The following CA1 variants were observed in gnomAD, a reference collection of about 807,000 sequenced individuals.
CA1 encodes the protein carbonic anhydrase 1.
In CA1, 27 loss-of-function variants were observed where a neutral mutation model predicts 28.8. The ratio of observed to expected loss-of-function variants is 0.94; its 90% CI spans 0.69 to 1.29. The LOEUF is 1.29. Ranked by LOEUF, CA1 falls within the 50% of genes most tolerant of loss-of-function variation. The probability of loss-of-function intolerance (pLI) is 0.00; values close to 1 mark genes in which losing one functional copy is unlikely to be tolerated. For missense variants in CA1, 335 were observed against 310.5 expected, an observed-to-expected ratio of 1.08 and a Z score of -0.59; for synonymous variants, 121 against 108.8, an observed-to-expected ratio of 1.11 and a Z score of -0.70.
chr8:85,336,232 T>C (rs1343594652), intron 4 of CA1, among the ~76,000 whole-genome samples: 1 of 152,178 alleles, frequency 6.6e-6, no homozygotes, highest in Non-Finnish European at 1.5e-5. Context: ...ATATATATTA[T>C]AGAATTCATT....
At chr8:85,344,207 T>A (rs1176017738) in intron 1 of CA1, among the ~76,000 whole-genome samples, 1 of 107,304 alleles carries the variant, frequency 9.3e-6, no homozygotes, top group Non-Finnish European at 1.7e-5. Flanking sequence ...ATACAGTATA[T>A]AATATAATTA....
chr8:85,344,234 TAA>T (rs1491518788), intron 1 of CA1, among the ~76,000 whole-genome samples: 13 of 104,164 alleles, frequency 1.2e-4, no homozygotes, highest in African/African-American at 4.3e-4. Context: ...ATACAGTATA[TAA>T]TATATAATTA....
chr8:85,358,639 G>T (rs970801391), intron 1 of CA1, among the ~76,000 whole-genome samples: 2 of 152,156 alleles, frequency 1.3e-5, no homozygotes, highest in African/African-American at 4.8e-5. Context: ...CCTGCCTTCT[G>T]GTATCCATAC....
chr8:85,362,562 T>A (rs1204329330), intron 1 of CA1, among the ~76,000 whole-genome samples: 2 of 152,018 alleles, frequency 1.3e-5, no homozygotes. Context: ...TTTGAGGGGA[T>A]GGGATTCAAG....
intron 1 of CA1, among the ~76,000 whole-genome samples, chr8:85,359,134 A>T (rs1809704248): frequency 6.6e-6 from 1 of 152,214 alleles, no homozygotes. Flanking sequence ...ATGGAAATTA[A>T]CAGGTTTGAA....
At chr8:85,333,388 T>C (rs1808492986) in intron 5 of CA1, 137 bp downstream of exon 5, 1 of 624,254 alleles carries the variant, frequency 1.6e-6, no homozygotes, top group Admixed American at 2.3e-5. Context: ...GGGAACTATT[T>C]GTTCACCTGT....
chr8:85,345,466 C>G (rs966145061), intron 1 of CA1, among the ~76,000 whole-genome samples: 1 of 152,170 alleles, frequency 6.6e-6, no homozygotes, highest in Non-Finnish European at 1.5e-5. Context: ...ATAACCATCT[C>G]TAAAATGGCA....
Position 85,332,459 on chromosome 8 carries a change from C to G in CA1, c.513+31G>C, listed in dbSNP as rs369430590. 11 of 1,516,622 alleles carry G rather than the reference C, an allele frequency of 7.3e-6. No individual in the cohort carries two copies. In the African/African-American group the frequency reaches 1.4e-4, roughly 19 times the overall value. The allele number at this position is 1,516,622 out of a possible 1,614,324, so 93.9% of individuals were successfully genotyped here. A position where few individuals can be genotyped will look rare whatever the true frequency, so the allele number is the denominator to read the frequency against. ...CCATAGATCTGTAAATTCTTGTTCT[C>G]TGATTTAAACTACTTATTTAGTGTG... On this transcript the variant is annotated intron_variant, in intron 6 of 7. Coordinates refer to ENST00000523022, the MANE Select transcript of CA1 (RefSeq NM_001128831.4).
intron 1 of CA1, among the ~76,000 whole-genome samples, chr8:85,342,096 C>T (rs975359990): frequency 6.6e-6 from 1 of 152,004 alleles, no homozygotes; most frequent in African/African-American, 2.4e-5. Context: ...TGTTTACAGG[C>T]TGATCTGAAC....
intron 1 of CA1, among the ~76,000 whole-genome samples, chr8:85,361,269 A>G (rs1468186037): frequency 1.3e-5 from 2 of 152,084 alleles, no homozygotes. Context: ...GGGATTTAGG[A>G]CTCCTCCAAA....
At chr8:85,351,637 A>G (rs1809415641) in intron 1 of CA1, 1 of 152,134 alleles carries the variant, frequency 6.6e-6, no homozygotes, top group South Asian at 2.1e-4. Flanking sequence ...CCATTTTTCC[A>G]TTTGGATGTA....
At chr8:85,352,856 G>A (rs1195022745) in intron 1 of CA1, among the ~76,000 whole-genome samples, 2 of 151,942 alleles carry the variant, frequency 1.3e-5, no homozygotes, top group Non-Finnish European at 2.9e-5. Context: ...AATAGAGATG[G>A]GGTTTTGCCA....
intron 1 of CA1, among the ~76,000 whole-genome samples, chr8:85,360,371 CT>C (rs1287245364): frequency 6.6e-6 from 1 of 152,184 alleles, no homozygotes; most frequent in African/African-American, 2.4e-5. Context: ...GGCCTGGGCA[CT>C]CAACAGTAAA....
At position 85,365,123 on chromosome 8, in the gene CA1, A is replaced by G. The variant is rs147047732; in HGVS notation, c.-25+12923T>C. On this transcript the variant is annotated intron_variant, in intron 1 of 7. Coordinates refer to ENST00000523022, the MANE Select transcript of CA1 (RefSeq NM_001128831.4). Reference sequence around the variant, plus strand: ...GCTGTATGAAGCAGAGCAATTAGTTATGGCATCACCGGTATATAAAAGGGT... The same window carrying G: ...GCTGTATGAAGCAGAGCAATTAGTTGTGGCATCACCGGTATATAAAAGGGT... 3.3e-5 allele frequency among the ~76,000 whole-genome samples: 5 copies of G among 152,352 alleles called. No individual in the cohort carries two copies. In the East Asian group the frequency reaches 9.6e-4, roughly 29 times the overall value.
At chr8:85,333,376 T>A in intron 5 of CA1, 149 bp downstream of exon 5, 1 of 601,674 alleles carries the variant, frequency 1.7e-6, no homozygotes, top group Non-Finnish European at 3.0e-6. Context: ...AATAAAATAC[T>A]AGGGAACTAT....
At chr8:85,343,949 G>C (rs1391240096) in intron 1 of CA1, among the ~76,000 whole-genome samples, 1 of 151,008 alleles carries the variant, frequency 6.6e-6, no homozygotes, top group Non-Finnish European at 1.5e-5. Context: ...AATTCAAGAT[G>C]TTTAGTTTTG....
intron 4 of CA1, among the ~76,000 whole-genome samples, chr8:85,335,683 A>T (rs1427748642): frequency 2.0e-5 from 3 of 152,182 alleles, no homozygotes; most frequent in Non-Finnish European, 4.4e-5. Flanking sequence ...CTCAATTTAG[A>T]TGAGAGAGTC....
In CA1 at chr8:85,369,399, A is replaced by G. The variant is rs573099543; in HGVS notation, c.-25+8647T>C. On this transcript the variant is annotated intron_variant, in intron 1 of 7. Transcript: ENST00000523022. Reference sequence around the variant, plus strand: ...CTAGGATGCATCTCTCCAACTTTCAATGCCTAACCTTGGCTAGTTAACCAT... The same window carrying G: ...CTAGGATGCATCTCTCCAACTTTCAGTGCCTAACCTTGGCTAGTTAACCAT... Among the ~76,000 whole-genome samples, 345 of 152,256 alleles carry G rather than the reference A, an allele frequency of 2.3e-3. 4 individuals are homozygous for G. The highest frequency in any genetic ancestry group is 0.015 in the South Asian group (74 of 4,822).
chr8:85,369,656 A>T (rs1810143125), intron 1 of CA1, among the ~76,000 whole-genome samples: 1 of 152,134 alleles, frequency 6.6e-6, no homozygotes, highest in South Asian at 2.1e-4. Context: ...TCTTTGGTTG[A>T]TGCAAAAGTT....
Sources: allele counts gnomAD v4.1 joint callset (sites outside exome capture counted in the v4.1 genomes callset), GRCh38; gene constraint gnomAD v4.1.1; transcripts MANE v1.5; gene names NCBI Gene and HGNC (gene_info 2026-07-23, HGNC 2026-07-21).